The following RNF213 variants were observed in gnomAD, a reference collection of about 807,000 sequenced individuals.
The protein encoded by RNF213 is E3 ubiquitin-protein ligase RNF213.
Under a neutral mutation model 514.4 loss-of-function variants are expected in RNF213, and 341 were observed. That is an observed-to-expected ratio of 0.66 (90% CI 0.61 to 0.73). The LOEUF is 0.73. Ranked by LOEUF, RNF213 falls within the 30% of genes least tolerant of loss-of-function variation. RNF213 has a pLI of 0.00. For missense variants in RNF213, 5,767 were observed against 6,615.6 expected, an observed-to-expected ratio of 0.87 and a Z score of 4.45; for synonymous variants, 2,655 against 2,658.2, an observed-to-expected ratio of 1.00 and a Z score of 0.04.
In RNF213 at chr17:80,339,920, C is replaced by G; in HGVS notation, c.5553C>G (p.Thr1851=). Residue 1851 remains threonine (T), a synonymous_variant, in exon 26 of 68, where the codon ACC becomes ACG. Coordinates refer to ENST00000582970, the MANE Select transcript of RNF213 (RefSeq NM_001256071.3). Reference sequence around the variant, plus strand: ...CCGCCCTGGCTGTCTACATGCAAACCCCAAGCCAGCCCCTGCCCACTTACG... The same window carrying G: ...CCGCCCTGGCTGTCTACATGCAAACGCCAAGCCAGCCCCTGCCCACTTACG... ...LPAALAVYMQ[T]PSQPLPTYDE... The G allele has an allele frequency of 6.5e-7, 1 of 1,536,960 alleles. No individual in the cohort carries two copies. Among genetic ancestry groups the G allele is most frequent in the East Asian group, 2.4e-5 (1 of 40,910 alleles).
At chr17:80,355,504 ACCGGGAATGGGGGCTT>A (rs2078734331) in intron 36 of RNF213, among the ~76,000 whole-genome samples, 1 of 48,812 alleles carries the variant, frequency 2.0e-5, no homozygotes, top group Admixed American at 2.7e-4. Context: ...AAGCGGGGTG[ACCGGGAATGGGGGCTT>A]ACAGGGGGAA....
intron 46 of RNF213, among the ~76,000 whole-genome samples, chr17:80,370,633 T>C (rs908589813): frequency 6.6e-6 from 1 of 152,214 alleles, no homozygotes; most frequent in Non-Finnish European, 1.5e-5. Context: ...ATTTGACTTT[T>C]CAACGTTTTG....
In RNF213 at chr17:80,386,677, T is replaced by C. The variant is rs971280639; in HGVS notation, c.14721-13T>C. 1 of 1,613,990 alleles carries C rather than the reference T, an allele frequency of 6.2e-7. No individual in the cohort carries two copies. Among genetic ancestry groups the C allele is most frequent in the Non-Finnish European group, 8.5e-7 (1 of 1,179,848 alleles). On this transcript the variant is annotated splice_polypyrimidine_tract_variant and intron_variant, in intron 62 of 67. Coordinates refer to ENST00000582970, the MANE Select transcript of RNF213 (RefSeq NM_001256071.3). ...CTGGCCTGGACGCTGAGCGCTGTCT[T>C]TCTGCCCCTCAGCTATTCCGTGGAT...
chr17:80,284,056 G>A (rs2044387254), intron 3 of RNF213, among the ~76,000 whole-genome samples: 1 of 151,556 alleles, frequency 6.6e-6, no homozygotes, highest in Admixed American at 6.6e-5. Context: ...AACCCCATCT[G>A]TACTAAAAAT....
In RNF213 at chr17:80,347,547, G is replaced by A. The variant is rs1158434353; in HGVS notation, c.9212G>A (p.Gly3071Asp). The change falls in exon 29 of 68, where the codon GGT becomes GAT. Residue 3071 changes from glycine to aspartate, a missense_variant. This residue lies in a region of RNF213 where 919 missense variants were observed against 1,121.0 expected (regional missense o/e 0.82). Transcript: ENST00000582970. The surrounding 1 kb of genome is among the most constrained non-coding windows in gnomAD (Gnocchi z 7.2). ...GACCAGCAGCCGGAGATTATTTTTG[G>A]TTCTGGTTTCCCCAAGGACCAAGAG... ...EGDQQPEIIF[G>D]SGFPKDQEYT... is the part of the protein sequence containing the mutation. 6.2e-7 allele frequency: 1 copy of A among 1,614,108 alleles called. No individual in the cohort carries two copies. The highest frequency in any genetic ancestry group is 1.6e-4 in the Middle Eastern group (1 of 6,062).
chr17:80,300,816 T>G lies in RNF213; in HGVS notation c.2210+2298T>G, dbSNP rs1418477750. Among the ~76,000 whole-genome samples, 3 of 152,184 alleles carry G rather than the reference T, an allele frequency of 2.0e-5. No individual in the cohort carries two copies. In the East Asian group the frequency reaches 5.8e-4, roughly 29 times the overall value. ...ATCCGCCCACCTTGGCCTCCCAAAG[T>G]GCTGGGATTGCATGTGTGAGCCACC... On this transcript the variant is annotated intron_variant, in intron 11 of 67. Coordinates refer to ENST00000582970, the MANE Select transcript of RNF213 (RefSeq NM_001256071.3).
chr17:80,312,008 A>T (rs1444532117), intron 14 of RNF213, among the ~76,000 whole-genome samples: 1 of 152,060 alleles, frequency 6.6e-6, no homozygotes, highest in East Asian at 1.9e-4. Flanking sequence ...TGCACTTGTA[A>T]TCCCAGCTAC....
intron 38 of RNF213, among the ~76,000 whole-genome samples, chr17:80,361,108 A>G (rs1228706914): frequency 1.3e-5 from 2 of 152,188 alleles, no homozygotes; most frequent in Non-Finnish European, 2.9e-5. Flanking sequence ...ACCTGTAGCC[A>G]TGCAACATAC....
intron 57 of RNF213, chr17:80,382,611 C>T (rs2080064280): frequency 3.4e-6 from 1 of 293,796 alleles, no homozygotes; most frequent in African/African-American, 2.2e-5. Context: ...GTGGACAGTT[C>T]CCGCAGCACT....
chr17:80,347,967 A>G lies in RNF213; in HGVS notation c.9632A>G (p.Lys3211Arg). Reference protein sequence around the residue: ...VKAHHFQKRHKYSPSDVFIGY... With the variant: ...VKAHHFQKRHRYSPSDVFIGY... ...GCACATCATTTCCAGAAGAGGCACA[A>G]ATACAGCCCCTCTGACGTCTTCATC... Residue 3211 changes from lysine (K) to arginine (R), a missense_variant, in exon 29 of 68, where the codon AAA becomes AGA. Around this residue, in one of 13 missense-constraint regions of RNF213, gnomAD observed 919 missense variants for 1,121.0 expected, o/e 0.82. Transcript: ENST00000582970. The surrounding 1 kb of genome is among the most constrained non-coding windows in gnomAD (Gnocchi z 7.2). The G allele has an allele frequency of 6.2e-7, 1 of 1,614,056 alleles. No individual in the cohort carries two copies. The highest frequency in any genetic ancestry group is 8.5e-7 in the Non-Finnish European group (1 of 1,179,880).
intron 32 of RNF213, chr17:80,352,523 T>C (rs367544330): frequency 6.2e-5 from 34 of 544,356 alleles, no homozygotes; most frequent in East Asian, 2.9e-4. Context: ...ATTTATGACA[T>C]AGAAAAGTTG....
In RNF213 at chr17:80,287,041, G is replaced by A. The variant is rs147311375; in HGVS notation, c.262-774G>A. Among the ~76,000 whole-genome samples, 69 of 152,222 alleles carry A rather than the reference G, an allele frequency of 4.5e-4. No homozygotes were observed. In the Middle Eastern group the frequency reaches 0.01, roughly 23 times the overall value. On this transcript the variant is annotated intron_variant, in intron 3 of 67. Transcript: ENST00000582970. Reference sequence around the variant, plus strand: ...ATATTTTTATAGAGGTGCATAAAACGTGGAAAGCCTGTGTGTGCTTTCTAA... The same window carrying A: ...ATATTTTTATAGAGGTGCATAAAACATGGAAAGCCTGTGTGTGCTTTCTAA...
chr17:80,344,760 A>T lies in RNF213; in HGVS notation c.6425A>T (p.Glu2142Val). The change falls in exon 29 of 68, where the codon GAG becomes GTG. Residue 2142 changes from glutamate to valine, a missense_variant. By Grantham distance (121) the Glu-to-Val change is moderately radical. Coordinates refer to ENST00000582970, the MANE Select transcript of RNF213 (RefSeq NM_001256071.3). Reference sequence around the variant, plus strand: ...CCTCCCAAAGAGGTGATAGACATGGAGCTGAGTGCCCTGAGGAGTGACACA... The same window carrying T: ...CCTCCCAAAGAGGTGATAGACATGGTGCTGAGTGCCCTGAGGAGTGACACA... The part of the protein sequence containing the change: ...CRPPKEVIDM[E>V]LSALRSDTEP... The T allele has an allele frequency of 6.2e-7, 1 of 1,614,174 alleles. No individual in the cohort carries two copies. The highest frequency in any genetic ancestry group is 8.5e-7 in the Non-Finnish European group (1 of 1,180,028).
intron 2 of RNF213, among the ~76,000 whole-genome samples, chr17:80,268,895 A>G (rs758715125): frequency 8.5e-5 from 13 of 152,188 alleles, no homozygotes; most frequent in Non-Finnish European, 1.8e-4. Context: ...GAAAGAAGCC[A>G]GTAGTTGCTC....
chr17:80,344,779 T>G lies in RNF213; in HGVS notation c.6444T>G (p.Ser2148Arg), dbSNP rs758320984. 19 of 1,613,898 alleles carry G rather than the reference T, an allele frequency of 1.2e-5. No homozygotes were observed. Among genetic ancestry groups the G allele is most frequent in the Non-Finnish European group, 1.6e-5 (19 of 1,179,964 alleles). ...VIDMELSALR[S>R]DTEPGMDLWE... ...ACATGGAGCTGAGTGCCCTGAGGAG[T>G]GACACAGAGCCTGGGATGGATCTGT... Residue 2148 changes from serine (S) to arginine (R), a missense_variant, in exon 29 of 68, where the codon AGT becomes AGG. Ser to Arg is a moderately radical substitution (Grantham distance 110, BLOSUM62 -1). Coordinates refer to ENST00000582970, the MANE Select transcript of RNF213 (RefSeq NM_001256071.3).
intron 11 of RNF213, 33 bp from the exon 12 acceptor site, chr17:80,306,219 T>C: frequency 1.3e-6 from 2 of 1,599,528 alleles, no homozygotes; most frequent in Non-Finnish European, 1.7e-6. Flanking sequence ...TCTCACTGCG[T>C]CTCTTTTCTC....
At position 80,337,364 on chromosome 17, in the gene RNF213, C is replaced by T. The variant is rs543041102; in HGVS notation, c.4528-222C>T. 3.0e-4 allele frequency: 165 copies of T among 554,590 alleles called. 3 individuals are homozygous for T. In the South Asian group the frequency reaches 3.8e-3, roughly 13 times the overall value. The allele number at this position is 554,590 out of a possible 1,614,324, so 34.4% of individuals were successfully genotyped here. A position where few individuals can be genotyped will look rare whatever the true frequency, so the allele number is the denominator to read the frequency against. On this transcript the variant is annotated intron_variant, in intron 23 of 67. Transcript: ENST00000582970. The stretch of plus-strand genomic sequence containing the variant: ...CCGGGGCACCAGGCACTGGAGGAAA[C>T]GTGGAACAGCGAGTACAAAGCAGCA...
intron 15 of RNF213, among the ~76,000 whole-genome samples, chr17:80,315,411 GAGGTGA>G (rs1195621667): frequency 3.2e-4 from 1 of 3,148 alleles, no homozygotes; most frequent in Non-Finnish European, 5.2e-4. Flanking sequence ...GGTGGTACTG[GAGGTGA>G]TGGTGGAGGT....
rs2079808497 is a variant in RNF213 at position 80,377,491 on chromosome 17, C to T, written c.13511-271C>T. Among the ~76,000 whole-genome samples, 2 of 151,748 alleles carry T rather than the reference C, an allele frequency of 1.3e-5. No homozygotes were observed. Among genetic ancestry groups the T allele is most frequent in the Admixed American group, 6.6e-5 (1 of 15,240 alleles). On this transcript the variant is annotated intron_variant, in intron 53 of 67. Coordinates refer to ENST00000582970, the MANE Select transcript of RNF213 (RefSeq NM_001256071.3). This position sits in a 1 kb window ranked among gnomAD's most constrained non-coding sequence, Gnocchi z 4.1. ...AGGTCTAGAATCCTGTCCACCTTGC[C>T]TCCAAAAGTACCCCTGGTATGGGCC...
Sources: allele counts gnomAD v4.1 joint callset (sites outside exome capture counted in the v4.1 genomes callset), GRCh38; gene constraint gnomAD v4.1.1; regional missense constraint gnomAD v4.1.1; non-coding constraint Gnocchi (gnomAD v3.1); transcripts MANE v1.5; gene names NCBI Gene and HGNC (gene_info 2026-07-23, HGNC 2026-07-21).